The following CORIN variants were observed in gnomAD, a reference collection of about 807,000 sequenced individuals.
The protein encoded by CORIN is atrial natriuretic peptide-converting enzyme.
In CORIN, 117 loss-of-function variants were observed where a neutral mutation model predicts 125.3. The ratio of observed to expected loss-of-function variants is 0.93; its 90% CI spans 0.80 to 1.09. The LOEUF (loss-of-function observed/expected upper bound fraction) is 1.09, where lower values mean the gene tolerates loss of function less well. CORIN is among the 50% of genes least tolerant of loss of function. CORIN has a pLI of 0.00. For synonymous variants in CORIN, 450 were observed against 466.4 expected, an observed-to-expected ratio of 0.96 and a Z score of 0.45; for missense variants, 1,253 against 1,306.7, an observed-to-expected ratio of 0.96 and a Z score of 0.63.
At chr4:47,821,808 C>T (rs564978075) in intron 1 of CORIN, among the ~76,000 whole-genome samples, 2 of 152,218 alleles carry the variant, frequency 1.3e-5, no homozygotes, top group Non-Finnish European at 2.9e-5. Flanking sequence ...ACCTAATTTG[C>T]TTATGAAAAG....
At chr4:47,731,430 G>C (rs542933282) in intron 5 of CORIN, among the ~76,000 whole-genome samples, 1 of 152,264 alleles carries the variant, frequency 6.6e-6, no homozygotes, top group South Asian at 2.1e-4. Flanking sequence ...ACCAAAAGGA[G>C]AGAGATCCAA....
chr4:47,811,013 C>A (rs981571684), intron 1 of CORIN, among the ~76,000 whole-genome samples: 4 of 152,122 alleles, frequency 2.6e-5, no homozygotes, highest in Admixed American at 1.3e-4. Context: ...ATTGTTTGGG[C>A]ACTTGGGATA....
intron 15 of CORIN, among the ~76,000 whole-genome samples, chr4:47,642,486 A>G (rs1403495125): frequency 6.6e-6 from 1 of 152,238 alleles, no homozygotes; most frequent in Non-Finnish European, 1.5e-5. Flanking sequence ...GTTAATTCCT[A>G]TTATATAAAG....
chr4:47,753,595 G>T (rs1729006594), intron 4 of CORIN, among the ~76,000 whole-genome samples: 1 of 152,096 alleles, frequency 6.6e-6, no homozygotes, highest in South Asian at 2.1e-4. Context: ...AATATTCCTT[G>T]CTGGGAAAAG....
chr4:47,683,641 A>G, intron 7 of CORIN, 90 bp downstream of exon 7: 1 of 877,236 alleles, frequency 1.1e-6, no homozygotes, highest in Non-Finnish European at 1.8e-6. Context: ...TTAAACTGCT[A>G]ATCATATTAA....
chr4:47,797,591 A>C (rs1268816090), intron 2 of CORIN, among the ~76,000 whole-genome samples: 1 of 152,110 alleles, frequency 6.6e-6, no homozygotes, highest in African/African-American at 2.4e-5. Context: ...ACAACAGGTC[A>C]TAGCACAAAG....
chr4:47,735,006 G>A (rs1460649965), intron 5 of CORIN, among the ~76,000 whole-genome samples: 3 of 151,994 alleles, frequency 2.0e-5, no homozygotes, highest in Admixed American at 6.6e-5. Context: ...GGAATGATAC[G>A]CAGAAAAGAA....
intron 1 of CORIN, among the ~76,000 whole-genome samples, chr4:47,808,325 T>A (rs972184432): frequency 6.6e-6 from 1 of 152,210 alleles, no homozygotes; most frequent in African/African-American, 2.4e-5. Flanking sequence ...ATCAAGAAGT[T>A]GTTCTAACAC....
intron 5 of CORIN, among the ~76,000 whole-genome samples, chr4:47,739,307 C>G (rs756987407): frequency 5.9e-5 from 9 of 151,998 alleles, no homozygotes; most frequent in African/African-American, 1.2e-4. Context: ...GGGAGATAAG[C>G]AACTCATCAG....
At chr4:47,778,325 A>G (rs1234778297) in intron 3 of CORIN, among the ~76,000 whole-genome samples, 1 of 152,158 alleles carries the variant, frequency 6.6e-6, no homozygotes, top group African/African-American at 2.4e-5. Flanking sequence ...TTCATTTAGG[A>G]GAGAGGGTCA....
At chr4:47,757,377 T>C (rs1047175902) in intron 4 of CORIN, among the ~76,000 whole-genome samples, 2 of 152,036 alleles carry the variant, frequency 1.3e-5, no homozygotes, top group African/African-American at 4.8e-5. Context: ...GTGGATCACT[T>C]GAGGTCAGAA....
chr4:47,595,517 G>T lies in CORIN; in HGVS notation c.*204C>A. On this transcript the variant is annotated 3_prime_UTR_variant, in exon 22 of 22. Coordinates refer to ENST00000273857, the MANE Select transcript of CORIN (RefSeq NM_006587.4). ...GTTTGCTTTTGTAAAGTCTTTCATTGAACTTGAAATAAGAGAAAAATGAAG... is the reference window on the plus strand; with the variant it reads ...GTTTGCTTTTGTAAAGTCTTTCATTTAACTTGAAATAAGAGAAAAATGAAG... 2.0e-5 allele frequency: 7 copies of T among 358,246 alleles called. No individual in the cohort carries two copies. The highest frequency in any genetic ancestry group is 4.4e-5 in the East Asian group (1 of 22,868). 22.2% of individuals were successfully genotyped at this position (358,246 alleles called of 1,614,324 possible). A position where few individuals can be genotyped will look rare whatever the true frequency, so the allele number is the denominator to read the frequency against.
At chr4:47,625,758 A>C (rs1401299845) in intron 17 of CORIN, among the ~76,000 whole-genome samples, 1 of 152,190 alleles carries the variant, frequency 6.6e-6, no homozygotes, top group Non-Finnish European at 1.5e-5. Context: ...TAAATATTCA[A>C]GCTGTAAAAT....
intron 3 of CORIN, among the ~76,000 whole-genome samples, chr4:47,781,811 G>A (rs1031916770): frequency 6.6e-5 from 10 of 151,958 alleles, no homozygotes; most frequent in African/African-American, 1.9e-4. Context: ...GGTGGCATGC[G>A]CCTGTAGTCC....
intron 3 of CORIN, among the ~76,000 whole-genome samples, chr4:47,771,391 G>A (rs1730021428): frequency 6.6e-6 from 1 of 152,176 alleles, no homozygotes; most frequent in East Asian, 1.9e-4. Context: ...TAAGCTAAGA[G>A]AAAACATAAA....
intron 9 of CORIN, among the ~76,000 whole-genome samples, chr4:47,675,246 G>A (rs1353740815): frequency 6.6e-6 from 1 of 152,094 alleles, no homozygotes; most frequent in Non-Finnish European, 1.5e-5. Context: ...CCCCCATTAC[G>A]ATCAATTACC....
chr4:47,810,305 A>G (rs1400063088), intron 1 of CORIN, among the ~76,000 whole-genome samples: 1 of 152,026 alleles, frequency 6.6e-6, no homozygotes, highest in African/African-American at 2.4e-5. Context: ...CTCCTGCCTC[A>G]GTCTTCTGAG....
chr4:47,837,682 T>C (rs1215694294), intron 1 of CORIN, among the ~76,000 whole-genome samples: 1 of 151,948 alleles, frequency 6.6e-6, no homozygotes, highest in Non-Finnish European at 1.5e-5. Flanking sequence ...ACCGGGGTGG[T>C]GGTCGGGACC....
intron 6 of CORIN, among the ~76,000 whole-genome samples, chr4:47,688,406 GCCTGGGCAACATGGCAAAA>G (rs924438688): frequency 6.6e-6 from 1 of 152,114 alleles, no homozygotes; most frequent in South Asian, 2.1e-4. Flanking sequence ...TTTGAGACCA[GCCTGGGCAACATGGCAAAA>G]CCTTGTTTCT....
Sources: allele counts gnomAD v4.1 joint callset (sites outside exome capture counted in the v4.1 genomes callset), GRCh38; gene constraint gnomAD v4.1.1; transcripts MANE v1.5; gene names NCBI Gene and HGNC (gene_info 2026-07-23, HGNC 2026-07-21).